The following FRAS1 variants were observed in gnomAD, a reference collection of about 807,000 sequenced individuals.
FRAS1 encodes the protein extracellular matrix organizing protein FRAS1.
In FRAS1, 290 loss-of-function variants were observed where a neutral mutation model predicts 435.2. The observed-to-expected ratio is 0.67, with a 90% CI of 0.61 to 0.73. FRAS1 has a LOEUF of 0.73. Among genes scored for constraint, FRAS1 ranks in the 30% least tolerant of loss-of-function variants. The pLI, the probability that FRAS1 is intolerant of heterozygous loss-of-function variation, is 0.00. For synonymous variants in FRAS1, 1,800 were observed against 1,851.0 expected (o/e 0.97, Z 0.71); for missense variants, 4,860 against 5,001.5 (o/e 0.97, Z 0.85).
At chr4:78,385,385 T>C (rs1732180876) in intron 28 of FRAS1, among the ~76,000 whole-genome samples, 1 of 152,176 alleles carries the variant, frequency 6.6e-6, no homozygotes, top group Non-Finnish European at 1.5e-5. Flanking sequence ...TCTGATGTTT[T>C]TATATCTTTG....
rs567832953 is a variant in FRAS1 at position 78,301,012 on chromosome 4, G to A, written c.1535-7054G>A. On this transcript the variant is annotated intron_variant, in intron 14 of 73. Transcript: ENST00000512123. ...TCCCTACCTTTTTTGGGGAGAAAAA[G>A]TGTCTGAAATTAGGACTTGCTTGTG... 3.9e-5 allele frequency among the ~76,000 whole-genome samples: 6 copies of A among 152,322 alleles called. No individual in the cohort carries two copies. In the South Asian group the frequency reaches 1.2e-3, roughly 32 times the overall value.
chr4:78,285,434 CTT>C (rs143667746), intron 13 of FRAS1, among the ~76,000 whole-genome samples: 1 of 145,600 alleles, frequency 6.9e-6, no homozygotes. Flanking sequence ...CTTCCATATT[CTT>C]TTTTTTTTTA....
intron 2 of FRAS1, among the ~76,000 whole-genome samples, chr4:78,224,726 CT>C (rs1724198275): frequency 6.6e-6 from 1 of 152,064 alleles, no homozygotes; most frequent in African/African-American, 2.4e-5. Flanking sequence ...GAGATAGGGT[CT>C]CACTATGTTG....
chr4:78,323,238 G>A (rs1394023698), intron 18 of FRAS1, among the ~76,000 whole-genome samples: 1 of 152,182 alleles, frequency 6.6e-6, no homozygotes, highest in African/African-American at 2.4e-5. Flanking sequence ...GTTGCTAATT[G>A]TAAAAGATTG....
chr4:78,474,080 T>C (rs1299142981), intron 53 of FRAS1, among the ~76,000 whole-genome samples: 2 of 152,208 alleles, frequency 1.3e-5, no homozygotes. Flanking sequence ...TGGCCCACAC[T>C]ATCAATATCT....
intron 5 of FRAS1, among the ~76,000 whole-genome samples, chr4:78,254,039 G>A (rs1038792056): frequency 1.3e-5 from 2 of 151,646 alleles, no homozygotes; most frequent in African/African-American, 4.8e-5. Flanking sequence ...CCATGTAGGT[G>A]TCACTGAAGA....
In FRAS1 at chr4:78,343,785, G is replaced by A. The variant is rs190215124; in HGVS notation, c.2422+5968G>A. Reference sequence around the variant, plus strand: ...AACATAATTAAGAACCCTGGAGGGAGCCTGGTACGAGCCAGGGCACCAGCT... The same window carrying A: ...AACATAATTAAGAACCCTGGAGGGAACCTGGTACGAGCCAGGGCACCAGCT... On this transcript the variant is annotated intron_variant, in intron 20 of 73. Transcript: ENST00000512123. Among the ~76,000 whole-genome samples the A allele has an allele frequency of 1.6e-4, 24 of 152,286 alleles. No individual in the cohort carries two copies. In the East Asian group the frequency reaches 4.4e-3, roughly 28 times the overall value.
At chr4:78,450,724 C>T (rs1367913756) in intron 45 of FRAS1, among the ~76,000 whole-genome samples, 2 of 151,972 alleles carry the variant, frequency 1.3e-5, no homozygotes, top group Non-Finnish European at 2.9e-5. Flanking sequence ...TTTTCAGCTC[C>T]CCAAAGAGCA....
chr4:78,334,467 T>A (rs976541143), intron 19 of FRAS1, among the ~76,000 whole-genome samples: 1 of 145,332 alleles, frequency 6.9e-6, no homozygotes, highest in Admixed American at 7.1e-5. Flanking sequence ...GCTTCCCAGG[T>A]TCAAGCAATT....
intron 15 of FRAS1, among the ~76,000 whole-genome samples, chr4:78,312,550 A>G (rs6838168): frequency 0.26 from 39,410 of 151,788 alleles, 6,032 homozygotes; most frequent in Non-Finnish European, 0.35. Context: ...CTGGGTCTGG[A>G]TGTGGTGGCT....
intron 60 of FRAS1, among the ~76,000 whole-genome samples, chr4:78,497,725 C>T (rs1332275192): frequency 3.3e-5 from 5 of 152,178 alleles, no homozygotes; most frequent in Non-Finnish European, 7.4e-5. Context: ...AAACAGCAAA[C>T]CTGGATGTGA....
chr4:78,121,830 T>G (rs1719043839), intron 2 of FRAS1, among the ~76,000 whole-genome samples: 1 of 152,172 alleles, frequency 6.6e-6, no homozygotes, highest in South Asian at 2.1e-4. Context: ...TAGTCATCAA[T>G]TGGCAGTTGG....
intron 65 of FRAS1, 63 bp from the exon 66 acceptor site, chr4:78,515,736 C>A: frequency 6.6e-7 from 1 of 1,504,558 alleles, no homozygotes; most frequent in East Asian, 2.3e-5. Flanking sequence ...AGCTCTTCAC[C>A]CCACCCTGCT....
chr4:78,508,526 C>T (rs897515119), intron 62 of FRAS1, among the ~76,000 whole-genome samples: 10 of 152,262 alleles, frequency 6.6e-5, no homozygotes, highest in South Asian at 2.1e-4. Context: ...GCTTCTAGCC[C>T]AACCAGTAGA....
chr4:78,201,014 T>C (rs974536264), intron 2 of FRAS1, among the ~76,000 whole-genome samples: 3 of 151,012 alleles, frequency 2.0e-5, no homozygotes, highest in African/African-American at 7.4e-5. Flanking sequence ...TTCCTTTCTC[T>C]TCAACATAAT....
intron 2 of FRAS1, among the ~76,000 whole-genome samples, chr4:78,231,010 A>T (rs950554432): frequency 6.6e-6 from 1 of 152,106 alleles, no homozygotes; most frequent in Non-Finnish European, 1.5e-5. Flanking sequence ...GCTGGAGTGC[A>T]GTGGCACGAA....
intron 58 of FRAS1, among the ~76,000 whole-genome samples, chr4:78,486,678 T>A (rs77596495): frequency 0.01 from 1,567 of 152,162 alleles, 31 homozygotes; most frequent in African/African-American, 0.036. Flanking sequence ...ACAACATAAA[T>A]CCCCTGTGCT....
chr4:78,135,974 T>C (rs1371530013), intron 2 of FRAS1, among the ~76,000 whole-genome samples: 1 of 152,250 alleles, frequency 6.6e-6, no homozygotes, highest in Non-Finnish European at 1.5e-5. Flanking sequence ...AGCTGATCGA[T>C]ACCTAACTGT....
At chr4:78,520,382 G>T (rs1434349406) in intron 67 of FRAS1, among the ~76,000 whole-genome samples, 2 of 151,114 alleles carry the variant, frequency 1.3e-5, no homozygotes, top group African/African-American at 4.9e-5. Flanking sequence ...CAGGGGTGAG[G>T]TGCTTTATCT....
Sources: allele counts gnomAD v4.1 joint callset (sites outside exome capture counted in the v4.1 genomes callset), GRCh38; gene constraint gnomAD v4.1.1; transcripts MANE v1.5; gene names NCBI Gene and HGNC (gene_info 2026-07-23, HGNC 2026-07-21).